The following TMTC1 variants were observed in gnomAD, a reference collection of about 807,000 sequenced individuals.
The protein encoded by TMTC1 is transmembrane O-mannosyltransferase targeting cadherins 1.
Under a neutral mutation model 104.8 loss-of-function variants are expected in TMTC1, and 73 were observed. The ratio of observed to expected loss-of-function variants is 0.70; its 90% CI spans 0.58 to 0.85. TMTC1 has a LOEUF of 0.85. TMTC1 is among the 40% of genes least tolerant of loss of function. TMTC1 has a pLI of 0.00. For synonymous variants in TMTC1, 434 were observed against 428.7 expected (o/e 1.01, Z -0.15); for missense variants, 1,035 against 1,096.1 (o/e 0.94, Z 0.79).
intron 10 of TMTC1, among the ~76,000 whole-genome samples, chr12:29,555,003 T>G (rs1317982359): frequency 1.3e-5 from 2 of 152,168 alleles, no homozygotes; most frequent in Non-Finnish European, 2.9e-5. Flanking sequence ...GACCTATGTT[T>G]CAGTATACTA....
At chr12:29,718,901 C>T (rs1942155642) in intron 5 of TMTC1, among the ~76,000 whole-genome samples, 1 of 140,540 alleles carries the variant, frequency 7.1e-6, no homozygotes, top group Non-Finnish European at 1.5e-5. Context: ...CCACTGCACT[C>T]CAGCCTGGGT....
chr12:29,590,752 T>G (rs1946260308), intron 7 of TMTC1, among the ~76,000 whole-genome samples: 1 of 152,038 alleles, frequency 6.6e-6, no homozygotes, highest in Non-Finnish European at 1.5e-5. Flanking sequence ...GCCACCGAAC[T>G]CCAGCCTGGG....
intron 7 of TMTC1, among the ~76,000 whole-genome samples, chr12:29,589,344 A>G (rs1946221797): frequency 6.6e-6 from 1 of 152,212 alleles, no homozygotes; most frequent in Non-Finnish European, 1.5e-5. Context: ...TTGGCAAAAT[A>G]AATCTCTAAA....
At chr12:29,754,174 CTT>C (rs1410244716) in intron 4 of TMTC1, among the ~76,000 whole-genome samples, 1 of 34,734 alleles carries the variant, frequency 2.9e-5, no homozygotes, top group African/African-American at 7.7e-5. Context: ...CTAAAAGTTT[CTT>C]TAAAAAAAAA....
chr12:29,507,106 CTCTG>C (rs1387079227), intron 17 of TMTC1, 120 bp from the exon 18 acceptor site: 24 of 815,820 alleles, frequency 2.9e-5, no homozygotes, highest in Middle Eastern at 2.4e-4. Flanking sequence ...CATATGGAAA[CTCTG>C]TCTGTATGTG....
chr12:29,700,710 A>G (rs1941564508), intron 5 of TMTC1, among the ~76,000 whole-genome samples: 1 of 152,184 alleles, frequency 6.6e-6, no homozygotes, highest in African/African-American at 2.4e-5. Flanking sequence ...TTAATAGAAT[A>G]TTTCTCATTC....
intron 5 of TMTC1, among the ~76,000 whole-genome samples, chr12:29,637,603 T>C (rs1938622522): frequency 6.6e-6 from 1 of 152,096 alleles, no homozygotes; most frequent in African/African-American, 2.4e-5. Context: ...GTGGGGAAAA[T>C]GGCATTCATC....
intron 2 of TMTC1, among the ~76,000 whole-genome samples, chr12:29,760,571 G>A (rs1317995207): frequency 1.3e-5 from 2 of 152,022 alleles, no homozygotes; most frequent in African/African-American, 2.4e-5. Context: ...TCTTAACTGT[G>A]GAATCAAATT....
intron 2 of TMTC1, among the ~76,000 whole-genome samples, chr12:29,766,424 A>G (rs1343334237): frequency 6.6e-6 from 1 of 152,220 alleles, no homozygotes; most frequent in African/African-American, 2.4e-5. Flanking sequence ...AACACAGGCC[A>G]CCATACCTTA....
intron 11 of TMTC1, among the ~76,000 whole-genome samples, chr12:29,526,254 T>C (rs1944340701): frequency 6.6e-6 from 1 of 152,184 alleles, no homozygotes; most frequent in Non-Finnish European, 1.5e-5. Context: ...CTTTTAACAA[T>C]GAAAGCTTGA....
intron 5 of TMTC1, among the ~76,000 whole-genome samples, chr12:29,634,754 G>A (rs1475630634): frequency 6.6e-6 from 1 of 152,226 alleles, no homozygotes; most frequent in Non-Finnish European, 1.5e-5. Flanking sequence ...CACAGACTGT[G>A]AAGAAAGTTT....
chr12:29,653,037 G>C (rs2136608616), intron 5 of TMTC1, among the ~76,000 whole-genome samples: 1 of 151,940 alleles, frequency 6.6e-6, no homozygotes, highest in Middle Eastern at 3.4e-3. Flanking sequence ...ACTCCAGTCT[G>C]GGTGACAGAG....
chr12:29,517,395 T>C (rs1000172268), intron 14 of TMTC1, 32 bp downstream of exon 14: 1 of 1,613,082 alleles, frequency 6.2e-7, no homozygotes, highest in Non-Finnish European at 8.5e-7. Context: ...TGTGCTTAGG[T>C]TGCCAGCTTC....
intron 6 of TMTC1, among the ~76,000 whole-genome samples, chr12:29,613,372 G>T (rs571528598): frequency 4.3e-4 from 66 of 152,316 alleles, no homozygotes; most frequent in African/African-American, 1.6e-3. Flanking sequence ...CTGGGCAAAA[G>T]CTCAGCCATG....
At chr12:29,697,525 G>A (rs1941459833) in intron 5 of TMTC1, among the ~76,000 whole-genome samples, 1 of 152,216 alleles carries the variant, frequency 6.6e-6, no homozygotes. Flanking sequence ...GTATGTGTGT[G>A]TATAGAAAGA....
At chr12:29,667,214 A>T (rs1245091814) in intron 5 of TMTC1, among the ~76,000 whole-genome samples, 2 of 152,234 alleles carry the variant, frequency 1.3e-5, no homozygotes, top group African/African-American at 4.8e-5. Flanking sequence ...AAACCTTAAT[A>T]GGCAAAGGCA....
intron 10 of TMTC1, among the ~76,000 whole-genome samples, chr12:29,538,370 C>G (rs73263831): frequency 0.014 from 2,176 of 152,128 alleles, 39 homozygotes; most frequent in African/African-American, 0.044. Flanking sequence ...TGGCTATTAT[C>G]TTATGGTCAG....
chr12:29,614,410 C>T (rs1014112458), intron 6 of TMTC1, among the ~76,000 whole-genome samples: 2 of 152,142 alleles, frequency 1.3e-5, no homozygotes, highest in Admixed American at 6.5e-5. Context: ...AGGCTCTTTA[C>T]ACAAATAATT....
intron 7 of TMTC1, among the ~76,000 whole-genome samples, chr12:29,590,037 G>A (rs570699859): frequency 6.4e-4 from 97 of 152,192 alleles, no homozygotes; most frequent in African/African-American, 1.9e-3. Context: ...TTCAGCCCAC[G>A]CAGTCTTTGT....
Sources: gnomAD v4.1 joint callset for allele counts (sites outside exome capture counted in the v4.1 genomes callset) on GRCh38, gnomAD v4.1.1 for gene constraint, MANE v1.5 for transcripts, NCBI Gene and HGNC (gene_info 2026-07-23, HGNC 2026-07-21) for gene names.